The following ZBTB10 variants were observed in gnomAD, a reference collection of about 807,000 sequenced individuals.
ZBTB10 encodes zinc finger and BTB domain containing 10, also known as zinc finger and BTB domain-containing protein 10.
In ZBTB10, 32 loss-of-function variants were observed where a neutral mutation model predicts 76.4. The ratio of observed to expected loss-of-function variants is 0.42; its 90% CI spans 0.32 to 0.56. The LOEUF is 0.56. ZBTB10 is among the 20% of genes least tolerant of loss of function. The pLI is 0.14. For synonymous variants in ZBTB10, 523 were observed against 432.9 expected, an observed-to-expected ratio of 1.21 and a Z score of -2.58; for missense variants, 1,057 against 1,098.5, an observed-to-expected ratio of 0.96 and a Z score of 0.53.
At chr8:80,505,695 G>A (rs1054528085) in intron 2 of ZBTB10, among the ~76,000 whole-genome samples, 1 of 152,128 alleles carries the variant, frequency 6.6e-6, no homozygotes, top group Admixed American at 6.5e-5. Context: ...ACTATTTTGA[G>A]AAAAGAATAT....
In ZBTB10 at chr8:80,518,504, A is replaced by G. The variant is rs1290973787; in HGVS notation, c.2062A>G (p.Ile688Val). 6.4e-7 allele frequency: 1 copy of G among 1,553,446 alleles called. No individual in the cohort carries two copies. The highest frequency in any genetic ancestry group is 1.2e-5 in the South Asian group (1 of 84,186). ...TTCAAATGATTTCAAGTATGGATTGATACCAGGTGCTTCAAATGATTTCAA... is the reference window on the plus strand; with the variant it reads ...TTCAAATGATTTCAAGTATGGATTGGTACCAGGTGCTTCAAATGATTTCAA... ...GTSNDFKYGL[I>V]PGASNDFKYG... Residue 688 changes from isoleucine to valine, a missense_variant, in exon 4 of 6, where the codon ATA (isoleucine) becomes GTA (valine). By Grantham distance (29) the Ile-to-Val change is conservative (BLOSUM62 3). Around this residue, in one of 5 missense-constraint regions of ZBTB10, gnomAD observed 306 missense variants for 297.5 expected, o/e 1.03. Transcript: ENST00000455036.
At chr8:80,515,394 T>C (rs1487198753) in intron 3 of ZBTB10, among the ~76,000 whole-genome samples, 1 of 152,200 alleles carries the variant, frequency 6.6e-6, no homozygotes, top group East Asian at 1.9e-4. Context: ...ATTCAGTATG[T>C]ACTGACCAAA....
chr8:80,515,700 G>A (rs1816310027), intron 3 of ZBTB10, among the ~76,000 whole-genome samples: 1 of 152,054 alleles, frequency 6.6e-6, no homozygotes, highest in Non-Finnish European at 1.5e-5. Flanking sequence ...GGGACATTTC[G>A]ATTCATTAGT....
chr8:80,496,755 T>G (rs1815793192), intron 1 of ZBTB10, among the ~76,000 whole-genome samples: 1 of 152,250 alleles, frequency 6.6e-6, no homozygotes, highest in Non-Finnish European at 1.5e-5. Context: ...AACTGCTTGA[T>G]ATACGGACTT....
In ZBTB10 at chr8:80,521,407, A is replaced by T. The variant is rs1204164930; in HGVS notation, c.*1879A>T. The T allele has an allele frequency of 6.6e-6, 1 of 151,866 alleles. No individual in the cohort carries two copies. Among genetic ancestry groups the T allele is most frequent in the Non-Finnish European group, 1.5e-5 (1 of 67,766 alleles). The allele number at this position is 151,866 out of a possible 1,614,324, so 9.4% of individuals were successfully genotyped here. A position where few individuals can be genotyped will look rare whatever the true frequency, so the allele number is the denominator to read the frequency against. On this transcript the variant is annotated 3_prime_UTR_variant, in exon 6 of 6. Coordinates refer to ENST00000455036, the MANE Select transcript of ZBTB10 (RefSeq NM_001105539.3). Reference sequence around the variant, plus strand: ...GATACTATGAATGAAAAAGTATTTTAAACGTAAAATGTTCTTTGTGAATAT... The same window carrying T: ...GATACTATGAATGAAAAAGTATTTTTAACGTAAAATGTTCTTTGTGAATAT...
intron 1 of ZBTB10, among the ~76,000 whole-genome samples, chr8:80,490,684 T>TA (rs766982496): frequency 9.2e-5 from 14 of 152,206 alleles, no homozygotes; most frequent in Non-Finnish European, 1.9e-4. Context: ...TATCTTGTCT[T>TA]AAAAACATGG....
At chr8:80,494,109 A>G (rs1179017740) in intron 1 of ZBTB10, among the ~76,000 whole-genome samples, 1 of 152,202 alleles carries the variant, frequency 6.6e-6, no homozygotes, top group African/African-American at 2.4e-5. Context: ...AATAGAAATT[A>G]CTGTTTTTGT....
chr8:80,497,045 A>G (rs749641748), intron 1 of ZBTB10, among the ~76,000 whole-genome samples: 2 of 152,196 alleles, frequency 1.3e-5, no homozygotes, highest in African/African-American at 4.8e-5. Flanking sequence ...AATTAATAAA[A>G]TTTACTCAGT....
Position 80,486,536 on chromosome 8 carries a change from C to T in ZBTB10, c.-275C>T. The T allele has an allele frequency of 3.0e-6, 3 of 986,002 alleles. No homozygotes were observed. Among genetic ancestry groups the T allele is most frequent in the African/African-American group, 1.7e-5 (1 of 57,350 alleles). 61.1% of individuals were successfully genotyped at this position (986,002 alleles called of 1,614,324 possible). A position where few individuals can be genotyped will look rare whatever the true frequency, so the allele number is the denominator to read the frequency against. ...TCCGCCGCCCGCCCCCTTCTCCGCGCGGGACGCTGCCCGGAGCGCGGCGGG... is the reference window on the plus strand; with the variant it reads ...TCCGCCGCCCGCCCCCTTCTCCGCGTGGGACGCTGCCCGGAGCGCGGCGGG... On this transcript the variant is annotated 5_prime_UTR_variant, in exon 1 of 6. Transcript: ENST00000455036.
intron 1 of ZBTB10, among the ~76,000 whole-genome samples, chr8:80,495,458 A>G (rs561622214): frequency 4.1e-4 from 62 of 149,498 alleles, no homozygotes; most frequent in Non-Finnish European, 7.1e-4. Context: ...TGAAGTGCTC[A>G]TCCACCCATC....
chr8:80,487,424 G>A lies in ZBTB10; in HGVS notation c.614G>A (p.Ser205Asn), dbSNP rs565155766. 3 of 1,543,142 alleles carry A rather than the reference G, an allele frequency of 1.9e-6. No individual in the cohort carries two copies. The highest frequency in any genetic ancestry group is 2.6e-6 in the Non-Finnish European group (3 of 1,141,578). The change falls in exon 1 of 6, where the codon AGC (serine) becomes AAC (asparagine). Residue 205 changes from serine to asparagine, a missense_variant. By Grantham distance (46) the Ser-to-Asn change is conservative. Transcript: ENST00000455036. ...AGCGGGGCGGAAGGCGGCAGCTGCAGCAGCAGCAGGCGGTCGGGCGGCGAT... is the reference window on the plus strand; with the variant it reads ...AGCGGGGCGGAAGGCGGCAGCTGCAACAGCAGCAGGCGGTCGGGCGGCGAT... Reference protein sequence around the residue: ...DGSGAEGGSCSSSRRSGGDGG... With the variant: ...DGSGAEGGSCNSSRRSGGDGG...
chr8:80,523,073 T>TAC lies in ZBTB10; in HGVS notation c.*3547_*3548dup, dbSNP rs960039585. The TAC allele has an allele frequency of 2.0e-5, 3 of 151,872 alleles. No homozygotes were observed. Among genetic ancestry groups the TAC allele is most frequent in the African/African-American group, 7.2e-5 (3 of 41,416 alleles). The allele number at this position is 151,872 out of a possible 1,614,324, so 9.4% of individuals were successfully genotyped here. ...TGCCCACACTTGCCGTTGTGCTGTATACATGATTTTACCTTAATCCTCTAT... is the reference window on the plus strand; with the variant it reads ...TGCCCACACTTGCCGTTGTGCTGTATACACATGATTTTACCTTAATCCTCTAT... On this transcript the variant is annotated 3_prime_UTR_variant, in exon 6 of 6. Coordinates refer to ENST00000455036, the MANE Select transcript of ZBTB10 (RefSeq NM_001105539.3).
chr8:80,504,778 G>A (rs1816009378), intron 2 of ZBTB10, among the ~76,000 whole-genome samples: 1 of 152,188 alleles, frequency 6.6e-6, no homozygotes, highest in African/African-American at 2.4e-5. Flanking sequence ...CAAAATCCTT[G>A]TCTTGCTGAT....
At chr8:80,492,662 A>G (rs1291581797) in intron 1 of ZBTB10, among the ~76,000 whole-genome samples, 1 of 151,886 alleles carries the variant, frequency 6.6e-6, no homozygotes. Context: ...TATTTCTAGT[A>G]GAGACGGGGT....
At position 80,524,573 on chromosome 8, in the gene ZBTB10, GAAATCA is replaced by G. The variant is rs1816513420; in HGVS notation, c.*5046_*5051del. 6.6e-6 allele frequency: 1 copy of G among 152,044 alleles called. No individual in the cohort carries two copies. Among genetic ancestry groups the G allele is most frequent in the African/African-American group, 2.4e-5 (1 of 41,422 alleles). The allele number at this position is 152,044 out of a possible 1,614,324, so 9.4% of individuals were successfully genotyped here. On this transcript the variant is annotated 3_prime_UTR_variant, in exon 6 of 6. Transcript: ENST00000455036. ...TTTCAAAGTTAGTAATAGAGCAAAG[GAAATCA>G]GAACTGGCCAGATATTCAGACTTGA...
rs1380461269 is a variant in ZBTB10, at chr8:80,486,840, G to T, written c.30G>T (p.Thr10=). 2 of 1,503,764 alleles carry T rather than the reference G, an allele frequency of 1.3e-6. No homozygotes were observed. The highest frequency in any genetic ancestry group is 1.8e-6 in the Non-Finnish European group (2 of 1,128,568). 93.2% of individuals were successfully genotyped at this position (1,503,764 alleles called of 1,614,324 possible). Residue 10 remains threonine, a synonymous_variant, in exon 1 of 6, where the codon ACG becomes ACT. Transcript: ENST00000455036. The part of the protein sequence containing the change: MSFSEMNRR[T]LAFRGGGLVT... Reference sequence around the variant, plus strand: ...CGTTCAGTGAAATGAACCGCAGGACGCTGGCGTTCCGAGGAGGCGGGTTGG... The same window carrying T: ...CGTTCAGTGAAATGAACCGCAGGACTCTGGCGTTCCGAGGAGGCGGGTTGG...
At chr8:80,501,119 G>A (rs1353444443) in intron 2 of ZBTB10, among the ~76,000 whole-genome samples, 1 of 152,108 alleles carries the variant, frequency 6.6e-6, no homozygotes, top group Non-Finnish European at 1.5e-5. Context: ...GCTTGCCTCG[G>A]CCTCCCAAAG....
chr8:80,493,571 C>T (rs1364762942), intron 1 of ZBTB10, among the ~76,000 whole-genome samples: 2 of 151,550 alleles, frequency 1.3e-5, no homozygotes, highest in African/African-American at 2.4e-5. Flanking sequence ...AATCCCAGCA[C>T]TTCGGGAGGC....
chr8:80,501,526 G>A (rs1016179110), intron 2 of ZBTB10, among the ~76,000 whole-genome samples: 1 of 152,154 alleles, frequency 6.6e-6, no homozygotes, highest in Non-Finnish European at 1.5e-5. Flanking sequence ...TGATTTATAC[G>A]ATGGTGGTCA....
Sources: gnomAD v4.1 joint callset for allele counts (sites outside exome capture counted in the v4.1 genomes callset) on GRCh38, gnomAD v4.1.1 for gene constraint, gnomAD v4.1.1 regional missense constraint, MANE v1.5 for transcripts, NCBI Gene and HGNC (gene_info 2026-07-23, HGNC 2026-07-21) for gene names.